The following PPP1R15B variants were observed in gnomAD, a reference collection of about 807,000 sequenced individuals.
The protein encoded by PPP1R15B is protein phosphatase 1, regulatory (inhibitor) subunit 15B.
A neutral mutation model predicts 53.9 loss-of-function variants in PPP1R15B; 31 were observed. That is an observed-to-expected ratio of 0.58 (90% confidence interval 0.43 to 0.78). The LOEUF is 0.78. Ranked by LOEUF, PPP1R15B falls within the 30% of genes least tolerant of loss-of-function variation. The pLI, the probability that PPP1R15B is intolerant of heterozygous loss-of-function variation, is 0.00. For missense variants in PPP1R15B, 928 were observed against 849.6 expected, an observed-to-expected ratio of 1.09 and a Z score of -1.15; for synonymous variants, 345 against 329.1, an observed-to-expected ratio of 1.05 and a Z score of -0.52.
In PPP1R15B at chr1:204,404,746, T is replaced by C; in HGVS notation, c.*1346A>G. ...GAGGTCACCTATTCTACTTATGTTT[T>C]CCATTACCTGTGACAGGAAGCACAC... is the stretch of plus-strand genomic sequence containing the variant. On this transcript the variant is annotated 3_prime_UTR_variant, in exon 2 of 2. Coordinates refer to ENST00000367188, the MANE Select transcript of PPP1R15B (RefSeq NM_032833.5). 1 of 985,804 alleles carries C rather than the reference T, an allele frequency of 1.0e-6. No individual in the cohort carries two copies. The highest frequency in any genetic ancestry group is 1.7e-5 in the African/African-American group (1 of 57,326). The allele number at this position is 985,804 out of a possible 1,614,324, so 61.1% of individuals were successfully genotyped here. A position where few individuals can be genotyped will look rare whatever the true frequency, so the allele number is the denominator to read the frequency against.
rs778000547 is a variant in PPP1R15B at position 204,411,176 on chromosome 1, T to A, written c.236A>T (p.Gln79Leu). Residue 79 changes from glutamine (Q) to leucine (L), a missense_variant, in exon 1 of 2, where the codon CAG (glutamine) becomes CTG (leucine). Coordinates refer to ENST00000367188, the MANE Select transcript of PPP1R15B (RefSeq NM_032833.5). ...AAGTTGGCTCCAAATTAGCACCTTCTGAAGCAATCCGGGGAGCGGCGCAAG... is the reference window on the plus strand; with the variant it reads ...AAGTTGGCTCCAAATTAGCACCTTCAGAAGCAATCCGGGGAGCGGCGCAAG... ...QLLAPLPGLL[Q>L]KVLIWSQLFG... The A allele has an allele frequency of 1.2e-6, 2 of 1,614,208 alleles. No individual in the cohort carries two copies. Among genetic ancestry groups the A allele is most frequent in the Non-Finnish European group, 1.7e-6 (2 of 1,180,034 alleles).
chr1:204,411,187 G>A lies in PPP1R15B; in HGVS notation c.225C>T (p.Pro75=). The A allele has an allele frequency of 6.2e-6, 10 of 1,614,238 alleles. No individual in the cohort carries two copies. Among genetic ancestry groups the A allele is most frequent in the Non-Finnish European group, 8.5e-6 (10 of 1,180,044 alleles). ...AAATTAGCACCTTCTGAAGCAATCC[G>A]GGGAGCGGCGCAAGGAGCTGGGAGA... ...KLLSQLLAPL[P]GLLQKVLIWS... The change falls in exon 1 of 2, where the codon CCC becomes CCT. Residue 75 remains proline (P), a synonymous_variant. Transcript: ENST00000367188.
downstream of PPP1R15B, among the ~76,000 whole-genome samples, chr1:204,402,619 A>C (rs7553784): frequency 6.6e-6 from 1 of 151,258 alleles, no homozygotes; most frequent in Non-Finnish European, 1.5e-5. Context: ...AAAGTGTCTC[A>C]CTATGTTGCT....
downstream of PPP1R15B, among the ~76,000 whole-genome samples, chr1:204,396,116 T>A (rs1674097585): frequency 6.6e-6 from 1 of 151,926 alleles, no homozygotes; most frequent in Non-Finnish European, 1.5e-5. Flanking sequence ...CACAGATGAA[T>A]CTCAAAAGCA....
downstream of PPP1R15B, among the ~76,000 whole-genome samples, chr1:204,399,093 T>A (rs958210791): frequency 5.9e-5 from 9 of 152,188 alleles, no homozygotes; most frequent in Non-Finnish European, 1.2e-4. Flanking sequence ...GCTGTGTGGA[T>A]GAAACTTCAA....
chr1:204,407,868 C>A (rs991864668), intron 1 of PPP1R15B, among the ~76,000 whole-genome samples: 2 of 152,136 alleles, frequency 1.3e-5, no homozygotes, highest in Non-Finnish European at 2.9e-5. Context: ...CCCATATATA[C>A]CAATGGCAGG....
At chr1:204,396,013 TA>T (rs2103436749), downstream of PPP1R15B, among the ~76,000 whole-genome samples, 1 of 152,102 alleles carries the variant, frequency 6.6e-6, no homozygotes, top group East Asian at 1.9e-4. Flanking sequence ...CAAATAGTGG[TA>T]TAATTATACA....
In PPP1R15B at chr1:204,406,055, A is replaced by G. The variant is rs749827590; in HGVS notation, c.*37T>C. 3.4e-5 allele frequency: 54 copies of G among 1,605,788 alleles called. No individual in the cohort carries two copies. The South Asian group carries it at 5.7e-4, about 17-fold the overall frequency. ...TTTTAAAAGACACCTCTCAGGTAAG[A>G]GGTAGTGTATGCTAGCTAGGACTAC... On this transcript the variant is annotated 3_prime_UTR_variant, in exon 2 of 2. Transcript: ENST00000367188.
chr1:204,400,696 G>C (rs923667219), downstream of PPP1R15B: 2 of 949,806 alleles, frequency 2.1e-6, no homozygotes, highest in Non-Finnish European at 2.5e-6. Context: ...CTGTAGAAAA[G>C]TCAAGAACCG....
rs146322981 is a variant in PPP1R15B, at chr1:204,410,624, T to G, written c.788A>C (p.Asp263Ala). 62 of 1,613,978 alleles carry G rather than the reference T, an allele frequency of 3.8e-5. No homozygotes were observed. The African/African-American group carries it at 7.6e-4, about 20-fold the overall frequency. ...LTPESSCLRE[D>A]HCHPQPLSAE... ...ACTCAGCGGCTGGGGATGACAATGG[T>G]CCTCTCTCAGGCAGCTGCTCTCTGG... The change falls in exon 1 of 2, where the codon GAC becomes GCC. Residue 263 changes from aspartate (D) to alanine (A), a missense_variant. Physicochemically the swap from Asp to Ala is moderately radical, Grantham distance 126. Coordinates refer to ENST00000367188, the MANE Select transcript of PPP1R15B (RefSeq NM_032833.5).
downstream of PPP1R15B, among the ~76,000 whole-genome samples, chr1:204,401,061 C>T (rs1674171770): frequency 6.6e-6 from 1 of 152,230 alleles, no homozygotes; most frequent in South Asian, 2.1e-4. Flanking sequence ...AGGCGTCTGC[C>T]AGTGGTGAAA....
At chr1:204,409,430 T>C in intron 1 of PPP1R15B, 62 bp downstream of exon 1, 2 of 1,518,996 alleles carry the variant, frequency 1.3e-6, no homozygotes, top group Non-Finnish European at 1.8e-6. Context: ...GTCATGCTGC[T>C]ATATTTAAGC....
At chr1:204,407,189 A>G (rs1005398856) in intron 1 of PPP1R15B, among the ~76,000 whole-genome samples, 1 of 152,110 alleles carries the variant, frequency 6.6e-6, no homozygotes, top group Non-Finnish European at 1.5e-5. Flanking sequence ...TTAAATCAAC[A>G]TGTTGTACTA....
downstream of PPP1R15B, among the ~76,000 whole-genome samples, chr1:204,395,890 G>GTATATGTT (rs998175457): frequency 2.6e-5 from 4 of 152,026 alleles, no homozygotes; most frequent in African/African-American, 9.7e-5. Flanking sequence ...GCTTATATAT[G>GTATATGTT]TATATGTTTA....
rs780012685 is a variant in PPP1R15B at position 204,409,587 on chromosome 1, C to G, written c.1825G>C (p.Val609Leu). ...CTTTCTTGGCTCCCCAACAGCTGCA[C>G]CTTACAAGAAAGTAAGGTGTGACAC... ...SECHTLLSCK[V>L]QLLGSQESEC... is the part of the protein sequence containing the mutation. Residue 609 changes from valine to leucine, a missense_variant, in exon 1 of 2, where the codon GTG (valine) becomes CTG (leucine). Coordinates refer to ENST00000367188, the MANE Select transcript of PPP1R15B (RefSeq NM_032833.5). The G allele has an allele frequency of 1.2e-6, 2 of 1,614,016 alleles. No individual in the cohort carries two copies. The highest frequency in any genetic ancestry group is 2.7e-5 in the African/African-American group (2 of 74,888).
Position 204,410,710 on chromosome 1 carries a change from T to C in PPP1R15B, c.702A>G (p.Leu234=). Residue 234 remains leucine (L), a synonymous_variant, in exon 1 of 2, where the codon CTA becomes CTG. Coordinates refer to ENST00000367188, the MANE Select transcript of PPP1R15B (RefSeq NM_032833.5). ...CATCACTGTTCTGATAGCTGACTTC[T>C]AGCCTAGGAAAGCAGTCCAGGTAGG... ...NPSYLDCFPR[L]EVSYQNSDGN... is the part of the protein sequence containing the mutation. 1 of 1,614,120 alleles carries C rather than the reference T, an allele frequency of 6.2e-7. No individual in the cohort carries two copies. Among genetic ancestry groups the C allele is most frequent in the African/African-American group, 1.3e-5 (1 of 75,034 alleles).
Position 204,405,807 on chromosome 1 carries a change from G to A in PPP1R15B, c.*285C>T, listed in dbSNP as rs1674255182. On this transcript the variant is annotated 3_prime_UTR_variant, in exon 2 of 2. Transcript: ENST00000367188. ...AAGTGCAAAATGACAACTCAAAAAGGTCCCCTTTCCACCTCATGCAGGCAA... is the reference window on the plus strand; with the variant it reads ...AAGTGCAAAATGACAACTCAAAAAGATCCCCTTTCCACCTCATGCAGGCAA... 2.7e-6 allele frequency: 3 copies of A among 1,102,348 alleles called. No individual in the cohort carries two copies. Among genetic ancestry groups the A allele is most frequent in the Admixed American group, 4.6e-5 (1 of 21,806 alleles). The allele number at this position is 1,102,348 out of a possible 1,614,324, so 68.3% of individuals were successfully genotyped here. A position where few individuals can be genotyped will look rare whatever the true frequency, so the allele number is the denominator to read the frequency against.
At chr1:204,401,104 T>C (rs1470898675), downstream of PPP1R15B, among the ~76,000 whole-genome samples, 2 of 152,244 alleles carry the variant, frequency 1.3e-5, no homozygotes, top group African/African-American at 2.4e-5. Flanking sequence ...TACATGGTAA[T>C]ACATAACTCC....
chr1:204,404,098 C>G lies in PPP1R15B; in HGVS notation c.*1994G>C. On this transcript the variant is annotated 3_prime_UTR_variant, in exon 2 of 2. Transcript: ENST00000367188. ...CTGTATGTTGTCAAAAGGCTTTTTTCAAGGCAAATGACGCCTGCTTTCCAA... is the reference window on the plus strand; with the variant it reads ...CTGTATGTTGTCAAAAGGCTTTTTTGAAGGCAAATGACGCCTGCTTTCCAA... The G allele has an allele frequency of 1.0e-6, 1 of 985,350 alleles. No individual in the cohort carries two copies. The allele number at this position is 985,350 out of a possible 1,614,324, so 61.0% of individuals were successfully genotyped here.
Sources: gnomAD v4.1 joint callset for allele counts (sites outside exome capture counted in the v4.1 genomes callset) on GRCh38, gnomAD v4.1.1 for gene constraint, MANE v1.5 for transcripts, NCBI Gene and HGNC (gene_info 2026-07-23, HGNC 2026-07-21) for gene names.